The following STARD9 variants were observed in gnomAD, a reference collection of about 807,000 sequenced individuals.
STARD9 encodes the protein stAR-related lipid transfer protein 9.
STARD9 carries 346 observed loss-of-function variants against 399.8 expected under a neutral mutation model. The observed-to-expected ratio is 0.87, with a 90% CI of 0.79 to 0.95. The LOEUF (loss-of-function observed/expected upper bound fraction) is 0.95. STARD9 is among the 40% of genes least tolerant of loss of function. STARD9 has a pLI of 0.00. For missense variants in STARD9, 5,832 were observed against 5,667.5 expected (o/e 1.03, Z -0.93); for synonymous variants, 2,203 against 2,143.5 (o/e 1.03, Z -0.77).
At position 42,712,111 on chromosome 15, in the gene STARD9, A is replaced by AATATATATATTATATATATTAT. The variant is rs1555411027; in HGVS notation, c.13285-4559_13285-4558insTATTATATATATTATATATATA. Among the ~76,000 whole-genome samples, 4 of 3,180 alleles carry AATATATATATTATATATATTAT rather than the reference A, an allele frequency of 1.3e-3. 2 individuals carry two copies. The highest frequency in any genetic ancestry group is 0.015 in the East Asian group (2 of 134). 2.1% of individuals were successfully genotyped at this position (3,180 alleles called of 152,430 possible). A position where few individuals can be genotyped will look rare whatever the true frequency, so the allele number is the denominator to read the frequency against. ...TATATATATATAATATATAATATAT[A>AATATATATATTATATATATTAT]ATATATAATATATATATAAATGTGC... On this transcript the variant is annotated intron_variant, in intron 26 of 32. Transcript: ENST00000290607.
intron 3 of STARD9, among the ~76,000 whole-genome samples, chr15:42,621,806 G>T (rs922127528): frequency 1.3e-5 from 2 of 152,166 alleles, no homozygotes; most frequent in Admixed American, 6.5e-5. Flanking sequence ...TGCTCATTTT[G>T]TTCCTGTTAG....
Position 42,716,701 on chromosome 15 carries a change from A to G in STARD9, c.13309A>G (p.Arg4437Gly). 6.5e-7 allele frequency: 1 copy of G among 1,536,744 alleles called. No individual in the cohort carries two copies. Residue 4437 changes from arginine to glycine, a missense_variant, in exon 27 of 33, where the codon AGG (arginine) becomes GGG (glycine). Physicochemically the swap from Arg to Gly is moderately radical, Grantham distance 125 (BLOSUM62 -2). Coordinates refer to ENST00000290607, the MANE Select transcript of STARD9 (RefSeq NM_020759.3). ...GGGGCATACAAACTTGCCTGATTCCAGGGATGTATGGATAGGGGATGAGCG... is the reference window on the plus strand; with the variant it reads ...GGGGCATACAAACTTGCCTGATTCCGGGGATGTATGGATAGGGGATGAGCG... ...NMGHTNLPDS[R>G]DVWIGDERGG...
At chr15:42,707,538 C>T (rs966570773) in intron 26 of STARD9, among the ~76,000 whole-genome samples, 2 of 149,224 alleles carry the variant, frequency 1.3e-5, no homozygotes, top group African/African-American at 2.5e-5. Context: ...GGCACGATCT[C>T]GGCTCACTCC....
chr15:42,645,489 G>A (rs1362597040), intron 7 of STARD9, among the ~76,000 whole-genome samples: 2 of 151,892 alleles, frequency 1.3e-5, no homozygotes, highest in African/African-American at 2.4e-5. Flanking sequence ...CAGATACGCT[G>A]TCATCCAGGC....
intron 7 of STARD9, among the ~76,000 whole-genome samples, chr15:42,648,238 C>G (rs1453319677): frequency 6.6e-6 from 1 of 152,186 alleles, no homozygotes; most frequent in Admixed American, 6.5e-5. Flanking sequence ...TCTCGGCTCA[C>G]TGCAACCTCC....
Position 42,688,668 on chromosome 15 carries a change from C to A in STARD9, c.7090C>A (p.Leu2364Ile), listed in dbSNP as rs1566941080. The part of the protein sequence containing the change: ...GISSLDCVLD[L>I]TMLKIHNSPL... ...CTCTTCACTTGACTGTGTGCTGGAT[C>A]TCACAATGTTGAAAATTCATAACAG... Residue 2364 changes from leucine (L) to isoleucine (I), a missense_variant, in exon 23 of 33, where the codon CTC (leucine) becomes ATC (isoleucine). Coordinates refer to ENST00000290607, the MANE Select transcript of STARD9 (RefSeq NM_020759.3). The A allele has an allele frequency of 6.5e-7, 1 of 1,537,628 alleles. No homozygotes were observed. Among genetic ancestry groups the A allele is most frequent in the Admixed American group, 2.0e-5 (1 of 51,008 alleles).
Position 42,692,626 on chromosome 15 carries a change from A to G in STARD9, c.11048A>G (p.His3683Arg). Residue 3683 changes from histidine (H) to arginine (R), a missense_variant, in exon 23 of 33, where the codon CAC (histidine) becomes CGC (arginine). His to Arg is a conservative substitution (Grantham distance 29, BLOSUM62 0). This residue lies in a region of STARD9 where 5,828 missense variants were observed against 5,651.1 expected (regional missense o/e 1.03). Coordinates refer to ENST00000290607, the MANE Select transcript of STARD9 (RefSeq NM_020759.3). ...ACCAGCATGCACAATCTGTCTCTCC[A>G]CCTCTCACAGCTCCTGCACAGTACC... ...SWTSMHNLSL[H>R]LSQLLHSTSE... is the part of the protein sequence containing the mutation. 1 of 1,536,930 alleles carries G rather than the reference A, an allele frequency of 6.5e-7. No homozygotes were observed. Among genetic ancestry groups the G allele is most frequent in the Non-Finnish European group, 8.7e-7 (1 of 1,146,838 alleles).
chr15:42,685,070 G>A lies in STARD9; in HGVS notation c.3492G>A (p.Gly1164=). The change falls in exon 23 of 33, where the codon GGG becomes GGA. Residue 1164 remains glycine, a synonymous_variant. Coordinates refer to ENST00000290607, the MANE Select transcript of STARD9 (RefSeq NM_020759.3). ...KRYQSPKNRL[G]GNRPTNNRGQ... is the part of the protein sequence containing the mutation. The stretch of plus-strand genomic sequence containing the variant: ...ACCAAAGCCCCAAAAACAGGCTAGG[G>A]GGCAATCGTCCCACCAACAACCGTG... The A allele has an allele frequency of 1.3e-6, 2 of 1,537,194 alleles. No homozygotes were observed. The highest frequency in any genetic ancestry group is 8.7e-7 in the Non-Finnish European group (1 of 1,146,924).
intron 3 of STARD9, among the ~76,000 whole-genome samples, chr15:42,631,453 G>A (rs142075513): frequency 0.012 from 1,881 of 152,100 alleles, 47 homozygotes; most frequent in African/African-American, 0.043. Context: ...GGTGGTGTGC[G>A]CCGGTAGTCT....
chr15:42,595,628 A>G (rs2058486853), intron 3 of STARD9, among the ~76,000 whole-genome samples: 1 of 152,186 alleles, frequency 6.6e-6, no homozygotes, highest in Admixed American at 6.5e-5. Flanking sequence ...TGATGCATGT[A>G]TGTGCTAGGG....
chr15:42,717,963 G>T lies in STARD9; in HGVS notation c.13560-14G>T, dbSNP rs1228903895. On this transcript the variant is annotated splice_polypyrimidine_tract_variant and intron_variant, in intron 29 of 32. Coordinates refer to ENST00000290607, the MANE Select transcript of STARD9 (RefSeq NM_020759.3). Reference sequence around the variant, plus strand: ...GACCCCTTTCTATTTTCTGTGCTTGGTGTCTCCCCCCAGCTATCAGGGTGA... The same window carrying T: ...GACCCCTTTCTATTTTCTGTGCTTGTTGTCTCCCCCCAGCTATCAGGGTGA... 2 of 1,536,724 alleles carry T rather than the reference G, an allele frequency of 1.3e-6. No homozygotes were observed. The highest frequency in any genetic ancestry group is 1.7e-6 in the Non-Finnish European group (2 of 1,146,564).
At chr15:42,578,485 T>C (rs1036554172) in intron 1 of STARD9, among the ~76,000 whole-genome samples, 2 of 152,182 alleles carry the variant, frequency 1.3e-5, no homozygotes, top group Admixed American at 1.3e-4. Context: ...TAATCAGAAA[T>C]TGCATATCTC....
In STARD9 at chr15:42,690,354, G is replaced by GGTCTTCTC; in HGVS notation, c.8776_8777insGTCTTCTC (p.Asp2926GlyfsTer60). The GGTCTTCTC allele has an allele frequency of 6.5e-7, 1 of 1,537,256 alleles. No individual in the cohort carries two copies. Among genetic ancestry groups the GGTCTTCTC allele is most frequent in the East Asian group, 2.4e-5 (1 of 40,926 alleles). Reference sequence around the variant, plus strand: ...ATGTAGACACCCAAGGGAAGCTTTAGATGGCCCTGTCTTCTCAAGGAACCC... The same window carrying GGTCTTCTC: ...ATGTAGACACCCAAGGGAAGCTTTAGGTCTTCTCATGGCCCTGTCTTCTCAAGGAACCC... On this transcript the variant is annotated frameshift_variant, in exon 23 of 33. Transcript: ENST00000290607. LOFTEE classifies it high-confidence loss of function.
intron 9 of STARD9, among the ~76,000 whole-genome samples, chr15:42,660,730 G>T (rs2059978916): frequency 6.6e-6 from 1 of 152,092 alleles, no homozygotes; most frequent in Non-Finnish European, 1.5e-5. Context: ...TTTCTACCCT[G>T]GCAAGTTAAG....
intron 10 of STARD9, among the ~76,000 whole-genome samples, 187 bp downstream of exon 10, chr15:42,661,412 C>T (rs2059991135): frequency 6.6e-6 from 1 of 152,268 alleles, no homozygotes; most frequent in South Asian, 2.1e-4. Flanking sequence ...CAGGGATTCT[C>T]AATCTTGGTT....
At chr15:42,709,640 G>T (rs1324839763) in intron 26 of STARD9, among the ~76,000 whole-genome samples, 1 of 152,158 alleles carries the variant, frequency 6.6e-6, no homozygotes, top group East Asian at 1.9e-4. Context: ...AGCTGAGATG[G>T]CGCCACTGCA....
intron 3 of STARD9, among the ~76,000 whole-genome samples, chr15:42,628,767 G>C (rs2059274234): frequency 1.3e-5 from 2 of 152,162 alleles, no homozygotes; most frequent in South Asian, 2.1e-4. Flanking sequence ...TGGGTTCACT[G>C]TTTTGTTCTA....
intron 26 of STARD9, 63 bp downstream of exon 26, chr15:42,695,943 GGACGCTGTGCCTCCTGGAGTTTGGGCAA>G (rs2060837791): frequency 6.7e-7 from 1 of 1,488,190 alleles, no homozygotes; most frequent in Admixed American, 2.2e-5. Flanking sequence ...AGTTTGAGCA[GGACGCTGTGCCTCCTGGAGTTTGGGCAA>G]GACGCCGTGC....
chr15:42,683,245 G>T (rs1008047312), intron 22 of STARD9, among the ~76,000 whole-genome samples: 5 of 152,110 alleles, frequency 3.3e-5, no homozygotes, highest in East Asian at 1.9e-4. Context: ...CACCTCTCTG[G>T]TCTTCAAAGT....
Sources: allele counts gnomAD v4.1 joint callset (sites outside exome capture counted in the v4.1 genomes callset), GRCh38; gene constraint gnomAD v4.1.1; regional missense constraint gnomAD v4.1.1; transcripts MANE v1.5; gene names NCBI Gene and HGNC (gene_info 2026-07-23, HGNC 2026-07-21).